CDH13: variants seen among roughly 807,000 people sequenced by gnomAD.
The protein encoded by CDH13 is cadherin-13.
In CDH13, 24 loss-of-function variants were observed where a neutral mutation model predicts 63.8. That is an observed-to-expected ratio of 0.38 (90% CI 0.27 to 0.53). The LOEUF (loss-of-function observed/expected upper bound fraction) is 0.53. Among genes scored for constraint, CDH13 ranks in the 20% least tolerant of loss-of-function variants. The pLI is 0.85. For synonymous variants in CDH13, 503 were observed against 355.3 expected, an observed-to-expected ratio of 1.42 and a Z score of -4.67; for missense variants, 1,049 against 903.1, an observed-to-expected ratio of 1.16 and a Z score of -2.07.
chr16:83,027,497 G>A (rs1915926606), intron 2 of CDH13, among the ~76,000 whole-genome samples: 1 of 152,154 alleles, frequency 6.6e-6, no homozygotes, highest in Non-Finnish European at 1.5e-5. Context: ...AGAGTAGGGA[G>A]ATGCAAGAGT....
rs565518853 is a variant in CDH13, at chr16:82,880,984, G to A, written c.157+22511G>A. 8.9e-4 allele frequency among the ~76,000 whole-genome samples: 135 copies of A among 152,264 alleles called. 1 individual carries two copies. Among genetic ancestry groups the A allele is most frequent in the Non-Finnish European group, 1.3e-3 (91 of 68,020 alleles). ...TTTTAAAGCCTTTAGACATTACCCC[G>A]TGGTGTCTAGTGTCTCTTCATATTT... On this transcript the variant is annotated intron_variant, in intron 2 of 13. Transcript: ENST00000567109.
intron 5 of CDH13, among the ~76,000 whole-genome samples, chr16:83,279,280 G>A (rs563771669): frequency 6.6e-6 from 1 of 152,200 alleles, no homozygotes; most frequent in Admixed American, 6.5e-5. Context: ...AGAAGAGAAA[G>A]TAAATATTTC....
At chr16:83,116,958 C>G (rs961481677) in intron 3 of CDH13, among the ~76,000 whole-genome samples, 7 of 152,148 alleles carry the variant, frequency 4.6e-5, no homozygotes, top group African/African-American at 1.7e-4. Flanking sequence ...CATGCAGCTT[C>G]TCATTTCGTT....
At chr16:83,628,105 C>T (rs973361664) in intron 8 of CDH13, among the ~76,000 whole-genome samples, 4 of 152,198 alleles carry the variant, frequency 2.6e-5, no homozygotes, top group Non-Finnish European at 5.9e-5. Flanking sequence ...CCTATTTTAT[C>T]AGCAAGGTCT....
intron 1 of CDH13, among the ~76,000 whole-genome samples, chr16:82,692,464 A>T (rs1915738291): frequency 6.6e-6 from 1 of 151,858 alleles, no homozygotes; most frequent in African/African-American, 2.4e-5. Flanking sequence ...GTGTAGGGAA[A>T]CTCTCCTTTA....
chr16:83,381,941 T>C (rs1253537567), intron 6 of CDH13, among the ~76,000 whole-genome samples: 1 of 152,174 alleles, frequency 6.6e-6, no homozygotes, highest in African/African-American at 2.4e-5. Context: ...TGTGCACTCC[T>C]TCCCTCACTT....
intron 6 of CDH13, among the ~76,000 whole-genome samples, chr16:83,395,313 CAAA>C (rs34408360): frequency 7.5e-6 from 1 of 132,922 alleles, no homozygotes; most frequent in Non-Finnish European, 1.6e-5. Flanking sequence ...GACTCTGTCT[CAAA>C]AAAAAAAAAA....
At chr16:82,662,400 C>A (rs1307623810) in intron 1 of CDH13, among the ~76,000 whole-genome samples, 2 of 152,150 alleles carry the variant, frequency 1.3e-5, no homozygotes, top group Non-Finnish European at 2.9e-5. Flanking sequence ...GCATGTGTTA[C>A]TGTTGTAATT....
chr16:83,702,711 G>A (rs529397184), intron 10 of CDH13, among the ~76,000 whole-genome samples: 9 of 152,274 alleles, frequency 5.9e-5, no homozygotes, highest in African/African-American at 2.2e-4. Context: ...TCCAGTGTTA[G>A]CTCCCTTCTG....
chr16:82,671,788 G>C (rs1234003746), intron 1 of CDH13, among the ~76,000 whole-genome samples: 1 of 151,992 alleles, frequency 6.6e-6, no homozygotes, highest in Non-Finnish European at 1.5e-5. Flanking sequence ...TGTTCTTTGG[G>C]CTTCTTTTCT....
At chr16:83,686,556 C>G (rs770041493) in intron 10 of CDH13, among the ~76,000 whole-genome samples, 3 of 152,186 alleles carry the variant, frequency 2.0e-5, no homozygotes, top group Non-Finnish European at 4.4e-5. Flanking sequence ...GCAAAAGTGT[C>G]TTTACATTTG....
At chr16:82,787,964 T>A (rs2151129262) in intron 1 of CDH13, among the ~76,000 whole-genome samples, 1 of 150,730 alleles carries the variant, frequency 6.6e-6, no homozygotes, top group South Asian at 2.1e-4. Context: ...AGTAAGAGGA[T>A]GGTGTCACTG....
intron 1 of CDH13, among the ~76,000 whole-genome samples, chr16:82,710,936 T>A (rs1187289868): frequency 6.6e-6 from 1 of 151,634 alleles, no homozygotes; most frequent in East Asian, 1.9e-4. Flanking sequence ...TCACCTGATT[T>A]TTTTTTTACC....
chr16:82,917,123 C>A (rs1041015565), intron 2 of CDH13, among the ~76,000 whole-genome samples: 28 of 152,142 alleles, frequency 1.8e-4, no homozygotes, highest in African/African-American at 6.3e-4. Flanking sequence ...GAAGTCTGAA[C>A]ATTGCTGCAT....
At chr16:83,674,433 C>A (rs1041766921) in intron 9 of CDH13, among the ~76,000 whole-genome samples, 1 of 152,200 alleles carries the variant, frequency 6.6e-6, no homozygotes, top group Non-Finnish European at 1.5e-5. Context: ...CTCCTCTTAT[C>A]GGGGCAGAAA....
chr16:82,686,377 T>C (rs77492656), intron 1 of CDH13, among the ~76,000 whole-genome samples: 87 of 152,320 alleles, frequency 5.7e-4, no homozygotes, highest in Non-Finnish European at 1.1e-3. Context: ...AATACACTTA[T>C]AAATGCAGAG....
intron 5 of CDH13, among the ~76,000 whole-genome samples, chr16:83,232,197 TAA>T (rs2040016402): frequency 8.0e-6 from 1 of 125,374 alleles, no homozygotes; most frequent in Non-Finnish European, 1.6e-5. Flanking sequence ...CCCTTGAAAT[TAA>T]AAGTGTTTTC....
At chr16:82,896,264 A>G (rs1486174800) in intron 2 of CDH13, among the ~76,000 whole-genome samples, 2 of 126,120 alleles carry the variant, frequency 1.6e-5, no homozygotes, top group African/African-American at 5.8e-5. Flanking sequence ...TCTTCTGAGA[A>G]CTAGGATTAG....
chr16:82,634,692 C>G (rs1338616390), intron 1 of CDH13, among the ~76,000 whole-genome samples: 1 of 152,178 alleles, frequency 6.6e-6, no homozygotes, highest in African/African-American at 2.4e-5. Context: ...TATTTAGTCC[C>G]TAAAAGAAAA....
Sources: allele counts gnomAD v4.1 joint callset (sites outside exome capture counted in the v4.1 genomes callset), GRCh38; gene constraint gnomAD v4.1.1; transcripts MANE v1.5; gene names NCBI Gene and HGNC (gene_info 2026-07-23, HGNC 2026-07-21).